Variants in THADA observed in about 807,000 individuals in gnomAD.
THADA encodes the protein THADA armadillo repeat containing, also known as tRNA (32-2'-O)-methyltransferase regulator THADA.
Under a neutral mutation model 219.8 loss-of-function variants are expected in THADA, and 213 were observed. The observed-to-expected ratio is 0.97, with a 90% CI of 0.87 to 1.09. THADA has a LOEUF of 1.09. Among genes scored for constraint, THADA ranks in the 50% least tolerant of loss-of-function variants. The pLI, the probability that THADA is intolerant of heterozygous loss-of-function variation, is 0.00. For missense variants in THADA, 2,956 were observed against 2,311.3 expected (o/e 1.28, Z -5.72); for synonymous variants, 1,018 against 828.9 (o/e 1.23, Z -3.92).
intron 26 of THADA, among the ~76,000 whole-genome samples, chr2:43,478,826 T>C (rs185971637): frequency 2.0e-5 from 3 of 152,332 alleles, no homozygotes; most frequent in African/African-American, 7.2e-5. Flanking sequence ...AAAACTTTAT[T>C]TGTGGTTCTC....
rs192152901 is a variant in THADA, at chr2:43,443,138, A to G, written c.3837-12836T>C. On this transcript the variant is annotated intron_variant, in intron 26 of 37. Coordinates refer to ENST00000405975, the MANE Select transcript of THADA (RefSeq NM_022065.5). ...TATACACTCTGCACAAGAAGAAACC[A>G]TAGCTGACTTCATTTTCTCCACAAT... 6.7e-3 allele frequency among the ~76,000 whole-genome samples: 1,023 copies of G among 152,320 alleles called. 5 individuals carry two copies. Among genetic ancestry groups the G allele is most frequent in the South Asian group, 0.024 (117 of 4,828 alleles).
intron 25 of THADA, among the ~76,000 whole-genome samples, chr2:43,491,077 G>C (rs757459915): frequency 2.0e-5 from 3 of 152,100 alleles, no homozygotes; most frequent in Non-Finnish European, 2.9e-5. Context: ...AATGGTTCAA[G>C]GATATCTGTT....
chr2:43,292,282 G>T, intron 32 of THADA, 60 bp from the exon 33 acceptor site: 2 of 1,049,700 alleles, frequency 1.9e-6, no homozygotes. Context: ...GATGTCTCTA[G>T]ATGTTACATG....
At chr2:43,427,503 TTGTGTGTGTG>T (rs70963397) in intron 28 of THADA, among the ~76,000 whole-genome samples, 6 of 140,600 alleles carry the variant, frequency 4.3e-5, no homozygotes, top group East Asian at 2.0e-4. Context: ...CTCCCAAAGT[TTGTGTGTGTG>T]TGTGTGTGTG....
chr2:43,266,847 C>T (rs914373685), intron 36 of THADA, among the ~76,000 whole-genome samples: 2 of 152,190 alleles, frequency 1.3e-5, no homozygotes, highest in Non-Finnish European at 2.9e-5. Flanking sequence ...ACATGCCACG[C>T]ATAAGCACAG....
At chr2:43,454,527 A>G (rs1171760015) in intron 26 of THADA, among the ~76,000 whole-genome samples, 1 of 152,010 alleles carries the variant, frequency 6.6e-6, no homozygotes, top group African/African-American at 2.4e-5. Flanking sequence ...TCTTGAGCCC[A>G]AGAGGTCGAG....
intron 36 of THADA, among the ~76,000 whole-genome samples, chr2:43,234,812 C>A (rs1433658092): frequency 6.6e-6 from 1 of 151,876 alleles, no homozygotes; most frequent in Non-Finnish European, 1.5e-5. Flanking sequence ...GCCACCACAC[C>A]CAGATAATTT....
intron 36 of THADA, among the ~76,000 whole-genome samples, chr2:43,264,359 C>A (rs896864798): frequency 1.3e-5 from 2 of 150,526 alleles, no homozygotes; most frequent in African/African-American, 4.9e-5. Context: ...CATCTCAGTT[C>A]ACCGAAACCT....
chr2:43,371,725 C>T (rs1670825656), intron 29 of THADA, among the ~76,000 whole-genome samples: 2 of 152,140 alleles, frequency 1.3e-5, no homozygotes, highest in South Asian at 4.1e-4. Context: ...ACAGTTTCTT[C>T]AACTAAAACT....
chr2:43,510,727 T>A (rs1471726795), intron 22 of THADA, among the ~76,000 whole-genome samples: 2 of 151,200 alleles, frequency 1.3e-5, no homozygotes, highest in East Asian at 3.9e-4. Context: ...TCCCAGCATT[T>A]TGGGAGGCTG....
intron 22 of THADA, among the ~76,000 whole-genome samples, chr2:43,518,729 G>T (rs1437537635): frequency 6.6e-6 from 1 of 152,102 alleles, no homozygotes; most frequent in African/African-American, 2.4e-5. Flanking sequence ...CTCTTTAGGA[G>T]ATCTCCTCTA....
At chr2:43,528,420 G>C (rs1693454388) in intron 21 of THADA, among the ~76,000 whole-genome samples, 1 of 152,112 alleles carries the variant, frequency 6.6e-6, no homozygotes, top group Non-Finnish European at 1.5e-5. Context: ...GTGAGCCACT[G>C]TGCCCAGCCA....
At chr2:43,305,971 T>TTCTC (rs139495565) in intron 31 of THADA, among the ~76,000 whole-genome samples, 20 of 105,488 alleles carry the variant, frequency 1.9e-4, no homozygotes, top group East Asian at 6.2e-4. Context: ...CCTCCCTCCC[T>TTCTC]TCTCTCTCTC....
chr2:43,291,454 C>CAAAAAAAAAAAAAAA (rs765352765), intron 34 of THADA, among the ~76,000 whole-genome samples: 106 of 8,078 alleles, frequency 0.013, 10 homozygotes, highest in Non-Finnish European at 0.018. Context: ...AACTCCATCT[C>CAAAAAAAAAAAAAAA]AAAAAAAAAA....
intron 26 of THADA, among the ~76,000 whole-genome samples, chr2:43,445,072 C>G (rs991756488): frequency 1.3e-5 from 2 of 152,082 alleles, no homozygotes; most frequent in Non-Finnish European, 2.9e-5. Flanking sequence ...CGGAGCTATT[C>G]CCTAGATTCT....
chr2:43,594,046 C>A (rs1701879538), intron 1 of THADA, among the ~76,000 whole-genome samples: 1 of 152,034 alleles, frequency 6.6e-6, no homozygotes, highest in Non-Finnish European at 1.5e-5. Flanking sequence ...ACTGGGCTAC[C>A]TTTTAAACAA....
intron 7 of THADA, among the ~76,000 whole-genome samples, chr2:43,582,649 A>C: frequency 7.3e-6 from 1 of 137,654 alleles, no homozygotes; most frequent in African/African-American, 2.8e-5. Context: ...GGCTCACTGC[A>C]ACCTCCACCT....
chr2:43,520,909 G>A (rs1457562886), intron 22 of THADA, among the ~76,000 whole-genome samples: 1 of 141,522 alleles, frequency 7.1e-6, no homozygotes, highest in Non-Finnish European at 1.5e-5. Context: ...AAGAAGGAGG[G>A]AGGGAGGGAA....
At chr2:43,243,128 C>A (rs913479286) in intron 36 of THADA, among the ~76,000 whole-genome samples, 18 of 152,214 alleles carry the variant, frequency 1.2e-4, no homozygotes, top group African/African-American at 4.3e-4. Flanking sequence ...TGCTGGGCAG[C>A]TCCTCCTCCC....
Sources: gnomAD v4.1 joint callset for allele counts (sites outside exome capture counted in the v4.1 genomes callset) on GRCh38, gnomAD v4.1.1 for gene constraint, MANE v1.5 for transcripts, NCBI Gene and HGNC (gene_info 2026-07-23, HGNC 2026-07-21) for gene names.